The following PPP3CA variants were observed in gnomAD, a reference collection of about 807,000 sequenced individuals.
The protein encoded by PPP3CA is protein phosphatase 3 catalytic subunit alpha.
In PPP3CA, 14 loss-of-function variants were observed where a neutral mutation model predicts 66.5. That is an observed-to-expected ratio of 0.21 (90% CI 0.14 to 0.33). PPP3CA has a LOEUF of 0.33. Ranked by LOEUF, PPP3CA falls within the 10% of genes least tolerant of loss-of-function variation. The probability of loss-of-function intolerance (pLI) is 1.00; values close to 1 mark genes in which losing one functional copy is unlikely to be tolerated. For missense variants in PPP3CA, 317 were observed against 639.5 expected (o/e 0.50, Z 5.44); for synonymous variants, 232 against 226.2 (o/e 1.03, Z -0.23).
intron 1 of PPP3CA, among the ~76,000 whole-genome samples, chr4:101,325,115 T>C (rs1729171135): frequency 6.6e-6 from 1 of 152,200 alleles, no homozygotes; most frequent in African/African-American, 2.4e-5. Flanking sequence ...ACCTAGATAG[T>C]CTAATTTAAT....
intron 1 of PPP3CA, among the ~76,000 whole-genome samples, chr4:101,243,679 C>A (rs566613474): frequency 6.6e-6 from 1 of 152,234 alleles, no homozygotes; most frequent in South Asian, 2.1e-4. Context: ...ATTTGAGTGT[C>A]TGTGAATTTT....
chr4:101,339,581 G>A (rs189207365), intron 1 of PPP3CA, among the ~76,000 whole-genome samples: 7 of 152,154 alleles, frequency 4.6e-5, no homozygotes, highest in East Asian at 1.9e-4. Context: ...ACTCCAATTC[G>A]CCAGTCACCA....
intron 1 of PPP3CA, among the ~76,000 whole-genome samples, chr4:101,335,117 G>A (rs944144904): frequency 6.6e-6 from 1 of 151,970 alleles, no homozygotes; most frequent in African/African-American, 2.4e-5. Flanking sequence ...AACTTCTTTA[G>A]GTTATCAGTA....
intron 3 of PPP3CA, among the ~76,000 whole-genome samples, chr4:101,100,978 G>C (rs1730414914): frequency 6.6e-6 from 1 of 152,016 alleles, no homozygotes; most frequent in Non-Finnish European, 1.5e-5. Context: ...TACAGCCCAA[G>C]TTTTGGAGAA....
At chr4:101,293,130 A>G (rs1027876530) in intron 1 of PPP3CA, among the ~76,000 whole-genome samples, 7 of 152,190 alleles carry the variant, frequency 4.6e-5, no homozygotes, top group African/African-American at 1.7e-4. Flanking sequence ...CCACACTCAC[A>G]ATGTGGTCAA....
intron 1 of PPP3CA, among the ~76,000 whole-genome samples, chr4:101,314,314 A>C (rs1387056690): frequency 6.6e-6 from 1 of 152,080 alleles, no homozygotes; most frequent in Non-Finnish European, 1.5e-5. Context: ...GTTACCAAAA[A>C]ATTTAATTTT....
intron 1 of PPP3CA, among the ~76,000 whole-genome samples, chr4:101,340,501 C>T (rs1018748419): frequency 5.3e-5 from 8 of 151,986 alleles, no homozygotes; most frequent in African/African-American, 1.9e-4. Context: ...TGGGCTAGGT[C>T]ATAAAGTTGA....
At chr4:101,137,587 G>A (rs1300264528) in intron 2 of PPP3CA, among the ~76,000 whole-genome samples, 3 of 152,014 alleles carry the variant, frequency 2.0e-5, no homozygotes, top group Non-Finnish European at 2.9e-5. Flanking sequence ...CAAAGGCTAG[G>A]GCTTCCCAGA....
intron 1 of PPP3CA, among the ~76,000 whole-genome samples, chr4:101,337,975 C>A (rs977976376): frequency 6.6e-6 from 1 of 152,174 alleles, no homozygotes; most frequent in South Asian, 2.1e-4. Context: ...TATCACCTAT[C>A]GGGGTGTACA....
intron 1 of PPP3CA, among the ~76,000 whole-genome samples, chr4:101,309,927 T>C (rs1728671712): frequency 6.6e-6 from 1 of 152,232 alleles, no homozygotes; most frequent in Admixed American, 6.5e-5. Flanking sequence ...TATGATTGAT[T>C]CAACATTTTA....
At chr4:101,167,193 T>C (rs543505168) in intron 2 of PPP3CA, among the ~76,000 whole-genome samples, 1 of 152,294 alleles carries the variant, frequency 6.6e-6, no homozygotes, top group South Asian at 2.1e-4. Context: ...TTAGGGGAGA[T>C]AATCTTTAGA....
intron 2 of PPP3CA, among the ~76,000 whole-genome samples, chr4:101,159,501 A>C (rs1723433239): frequency 6.6e-6 from 1 of 152,176 alleles, no homozygotes; most frequent in Non-Finnish European, 1.5e-5. Context: ...CAAAAGAAAC[A>C]GGTTTAGACT....
At chr4:101,246,720 T>C (rs1476012834) in intron 1 of PPP3CA, among the ~76,000 whole-genome samples, 1 of 152,210 alleles carries the variant, frequency 6.6e-6, no homozygotes, top group South Asian at 2.1e-4. Flanking sequence ...TATATATATC[T>C]GTGTCTGTGT....
At chr4:101,046,887 C>T (rs1727788789) in intron 10 of PPP3CA, among the ~76,000 whole-genome samples, 1 of 152,040 alleles carries the variant, frequency 6.6e-6, no homozygotes, top group Non-Finnish European at 1.5e-5. Flanking sequence ...TTGTGTCCAT[C>T]CAAAATCAGC....
At chr4:101,127,102 G>A (rs2110279161) in intron 2 of PPP3CA, among the ~76,000 whole-genome samples, 1 of 152,168 alleles carries the variant, frequency 6.6e-6, no homozygotes, top group African/African-American at 2.4e-5. Flanking sequence ...TGATTTGGGT[G>A]TATCATTTAT....
At chr4:101,199,826 G>A (rs905292791) in intron 1 of PPP3CA, among the ~76,000 whole-genome samples, 11 of 152,098 alleles carry the variant, frequency 7.2e-5, no homozygotes, top group Non-Finnish European at 1.2e-4. Context: ...TATCTGATAC[G>A]GAGAAAGGTT....
At chr4:101,165,791 T>C (rs900592123) in intron 2 of PPP3CA, among the ~76,000 whole-genome samples, 1 of 152,172 alleles carries the variant, frequency 6.6e-6, no homozygotes, top group African/African-American at 2.4e-5. Flanking sequence ...CAAACTGCCA[T>C]TGGCTTTGTT....
At chr4:101,203,727 G>GGATT (rs979488657) in intron 1 of PPP3CA, among the ~76,000 whole-genome samples, 3 of 151,914 alleles carry the variant, frequency 2.0e-5, no homozygotes, top group African/African-American at 4.8e-5. Context: ...TTGAGTCTAA[G>GGATT]GATTCAAGGA....
chr4:101,250,241 A>G, intron 1 of PPP3CA: 1 of 400,494 alleles, frequency 2.5e-6, no homozygotes, highest in Non-Finnish European at 5.0e-6. Flanking sequence ...AAGGTCACGC[A>G]GTGTGGTGTT....
Sources: gnomAD v4.1 joint callset for allele counts (sites outside exome capture counted in the v4.1 genomes callset) on GRCh38, gnomAD v4.1.1 for gene constraint, MANE v1.5 for transcripts, NCBI Gene and HGNC (gene_info 2026-07-23, HGNC 2026-07-21) for gene names.